The following SMC5 variants were observed in gnomAD, a reference collection of about 807,000 sequenced individuals.
SMC5 encodes the protein structural maintenance of chromosomes 5, also known as structural maintenance of chromosomes protein 5.
In SMC5, 88 loss-of-function variants were observed where a neutral mutation model predicts 148.3. The observed-to-expected ratio is 0.59, with a 90% CI of 0.50 to 0.71. The LOEUF (loss-of-function observed/expected upper bound fraction) is 0.71. Ranked by LOEUF, SMC5 falls within the 30% of genes least tolerant of loss-of-function variation. SMC5 has a pLI of 0.00. For synonymous variants in SMC5, 421 were observed against 432.8 expected, an observed-to-expected ratio of 0.97 and a Z score of 0.34; for missense variants, 1,142 against 1,298.9, an observed-to-expected ratio of 0.88 and a Z score of 1.86.
chr9:70,275,067 G>C (rs1029164085), intron 3 of SMC5, among the ~76,000 whole-genome samples: 1 of 152,046 alleles, frequency 6.6e-6, no homozygotes, highest in African/African-American at 2.4e-5. Context: ...TCTTTTATGA[G>C]AGTTTTCTGT....
At chr9:70,303,005 G>A (rs2035399633) in intron 10 of SMC5, among the ~76,000 whole-genome samples, 1 of 152,152 alleles carries the variant, frequency 6.6e-6, no homozygotes, top group Non-Finnish European at 1.5e-5. Flanking sequence ...TGATGTGGGA[G>A]GACCACTTGA....
chr9:70,338,582 T>C (rs2036428373), intron 17 of SMC5, among the ~76,000 whole-genome samples: 2 of 152,238 alleles, frequency 1.3e-5, no homozygotes, highest in Non-Finnish European at 2.9e-5. Context: ...CTTTATAATA[T>C]TATACATCAT....
Position 70,344,211 on chromosome 9 carries a change from G to C in SMC5, c.2465G>C (p.Arg822Thr), listed in dbSNP as rs1375770047. 1 of 1,558,548 alleles carries C rather than the reference G, an allele frequency of 6.4e-7. No homozygotes were observed. The highest frequency in any genetic ancestry group is 8.7e-7 in the Non-Finnish European group (1 of 1,150,650). ...LLQKCKELMK[R>T]ARQVCNLGAE... ...CAGAAATGCAAGGAACTTATGAAAA[G>C]AGCTAGGCAAGTATGTAACCTGGGT... Residue 822 changes from arginine to threonine, a missense_variant, in exon 18 of 25, where the codon AGA becomes ACA. By Grantham distance (71) the Arg-to-Thr change is moderately conservative. Coordinates refer to ENST00000361138, the MANE Select transcript of SMC5 (RefSeq NM_015110.4).
intron 16 of SMC5, 150 bp from the exon 17 acceptor site, chr9:70,323,871 A>G: frequency 1.2e-6 from 1 of 839,326 alleles, no homozygotes; most frequent in South Asian, 2.3e-5. Flanking sequence ...TTTCTAAAAA[A>G]TTGTTACAAG....
rs754118206 is a variant in SMC5 at position 70,350,306 on chromosome 9, TTC to T, written c.3069+15_3069+16del. On this transcript the variant is annotated intron_variant, in intron 23 of 24. Transcript: ENST00000361138. The stretch of plus-strand genomic sequence containing the variant: ...TGAAATCAATCAGGTATGGTGATTG[TTC>T]TGTTACTTGGATCTTCTTATATCCT... 22 of 1,611,672 alleles carry T rather than the reference TTC, an allele frequency of 1.4e-5. No homozygotes were observed. Among genetic ancestry groups the T allele is most frequent in the Middle Eastern group, 1.6e-4 (1 of 6,068 alleles).
chr9:70,305,875 C>A (rs1233782190), intron 11 of SMC5, among the ~76,000 whole-genome samples: 1 of 152,118 alleles, frequency 6.6e-6, no homozygotes, highest in Non-Finnish European at 1.5e-5. Context: ...TGTAGCTGGG[C>A]TGCCAGGATT....
intron 9 of SMC5, among the ~76,000 whole-genome samples, chr9:70,299,122 C>CTTT (rs892793026): frequency 6.6e-6 from 1 of 151,846 alleles, no homozygotes; most frequent in African/African-American, 2.4e-5. Context: ...ACTTTCCTCC[C>CTTT]TTCTCACATT....
chr9:70,324,605 A>G (rs2036030633), intron 17 of SMC5, among the ~76,000 whole-genome samples: 1 of 152,128 alleles, frequency 6.6e-6, no homozygotes, highest in Admixed American at 6.5e-5. Flanking sequence ...TTCTGACGCT[A>G]ACCATCCTGG....
intron 10 of SMC5, among the ~76,000 whole-genome samples, chr9:70,303,176 G>A (rs541023504): frequency 2.6e-5 from 4 of 151,682 alleles, no homozygotes; most frequent in Admixed American, 6.6e-5. Flanking sequence ...GCAGTGAGCC[G>A]TGATCACACC....
intron 15 of SMC5, among the ~76,000 whole-genome samples, chr9:70,322,893 A>G (rs944464907): frequency 2.6e-5 from 4 of 152,078 alleles, no homozygotes; most frequent in Admixed American, 1.3e-4. Context: ...TTAATTAAAC[A>G]CTACTCTCCT....
chr9:70,295,631 A>G (rs1002159596), intron 8 of SMC5, among the ~76,000 whole-genome samples: 2 of 152,184 alleles, frequency 1.3e-5, no homozygotes, highest in Non-Finnish European at 2.9e-5. Flanking sequence ...TAATGTGATT[A>G]GTCATGGTAG....
intron 2 of SMC5, 71 bp from the exon 3 acceptor site, chr9:70,267,852 G>A: frequency 2.3e-6 from 3 of 1,331,606 alleles, no homozygotes; most frequent in Non-Finnish European, 3.1e-6. Flanking sequence ...AAATAATAAT[G>A]ACTGCTAAAT....
chr9:70,270,340 A>G (rs2034411224), intron 3 of SMC5, among the ~76,000 whole-genome samples: 1 of 152,176 alleles, frequency 6.6e-6, no homozygotes, highest in Non-Finnish European at 1.5e-5. Flanking sequence ...TTCCCAGCAT[A>G]TGGATGTGTT....
intron 17 of SMC5, among the ~76,000 whole-genome samples, chr9:70,325,298 C>G (rs1463550045): frequency 6.6e-6 from 1 of 152,138 alleles, no homozygotes; most frequent in Non-Finnish European, 1.5e-5. Flanking sequence ...CAACAAAGCC[C>G]AGTCAAATTC....
intron 24 of SMC5, 74 bp downstream of exon 24, chr9:70,350,545 C>T (rs2036780366): frequency 1.2e-5 from 11 of 941,026 alleles, no homozygotes; most frequent in Non-Finnish European, 9.5e-6. Flanking sequence ...GTTTTTGTCC[C>T]AACATGCACA....
chr9:70,328,583 G>A (rs1014626329), intron 17 of SMC5, among the ~76,000 whole-genome samples: 13 of 152,152 alleles, frequency 8.5e-5, no homozygotes, highest in Admixed American at 2.0e-4. Context: ...CCTGTGGCTC[G>A]GCAGGGTTCA....
chr9:70,292,058 C>T (rs2035077776), intron 8 of SMC5, among the ~76,000 whole-genome samples: 1 of 152,012 alleles, frequency 6.6e-6, no homozygotes, highest in African/African-American at 2.4e-5. Context: ...TAACAGCTTC[C>T]CAGATTGTTA....
chr9:70,351,353 CAAAAAAA>C (rs771025321), intron 24 of SMC5, among the ~76,000 whole-genome samples: 4 of 120,628 alleles, frequency 3.3e-5, no homozygotes, highest in Admixed American at 2.6e-4. Context: ...GACCTTGTTC[CAAAAAAA>C]AAAAAAAAAT....
chr9:70,343,775 C>T (rs2036586994), intron 17 of SMC5, among the ~76,000 whole-genome samples: 1 of 152,028 alleles, frequency 6.6e-6, no homozygotes, highest in Non-Finnish European at 1.5e-5. Context: ...GAGATCACGT[C>T]ACGTCACTGC....
Sources: gnomAD v4.1 joint callset for allele counts (sites outside exome capture counted in the v4.1 genomes callset) on GRCh38, gnomAD v4.1.1 for gene constraint, MANE v1.5 for transcripts, NCBI Gene and HGNC (gene_info 2026-07-23, HGNC 2026-07-21) for gene names.